Variants in SIPA1L3 observed in about 807,000 individuals in gnomAD.
SIPA1L3 encodes the protein signal-induced proliferation-associated 1-like protein 3.
SIPA1L3 carries 59 observed loss-of-function variants against 150.1 expected under a neutral mutation model. That is an observed-to-expected ratio of 0.39 (90% CI 0.32 to 0.49). The LOEUF is 0.49. SIPA1L3 is among the 20% of genes least tolerant of loss of function. The pLI, the probability that SIPA1L3 is intolerant of heterozygous loss-of-function variation, is 0.86. For synonymous variants in SIPA1L3, 1,070 were observed against 1,077.6 expected (o/e 0.99, Z 0.14); for missense variants, 2,211 against 2,489.5 (o/e 0.89, Z 2.38).
chr19:38,064,247 C>T (rs1006983052), intron 2 of SIPA1L3, among the ~76,000 whole-genome samples: 3 of 152,216 alleles, frequency 2.0e-5, no homozygotes, highest in Non-Finnish European at 1.5e-5. Context: ...CTCAGAGGGG[C>T]GCCCCACCCG....
At chr19:38,083,170 C>T in intron 3 of SIPA1L3, 71 bp downstream of exon 3, 1 of 1,392,808 alleles carries the variant, frequency 7.2e-7, no homozygotes, top group South Asian at 1.3e-5. Context: ...ACTACTCATT[C>T]ATTCACTCTG....
rs201332527 is a variant in SIPA1L3 at position 38,164,799 on chromosome 19, C to G, written c.4101C>G (p.Pro1367=). 1.8e-4 allele frequency: 295 copies of G among 1,611,464 alleles called. No homozygotes were observed. The highest frequency in any genetic ancestry group is 2.4e-4 in the Non-Finnish European group (285 of 1,178,912). Residue 1367 remains proline (P), a synonymous_variant, in exon 15 of 22, where the codon CCC becomes CCG. Coordinates refer to ENST00000222345, the MANE Select transcript of SIPA1L3 (RefSeq NM_015073.3). This position sits in a 1 kb window ranked among gnomAD's most constrained non-coding sequence, Gnocchi z 4.1. ...ADRRREVSPA[P]AVAGQSKGYR... The stretch of plus-strand genomic sequence containing the variant: ...GGCGGCGGGAGGTCTCCCCTGCCCC[C>G]GCAGTTGCCGGCCAAAGCAAGGGCT...
chr19:38,112,996 T>C (rs1180626537), intron 8 of SIPA1L3, among the ~76,000 whole-genome samples: 3 of 150,440 alleles, frequency 2.0e-5, no homozygotes, highest in Admixed American at 2.0e-4. Context: ...TCACCTGAGG[T>C]CAGGAGTTGG....
rs761946621 is a variant in SIPA1L3, at chr19:38,130,556, A to G, written c.2927A>G (p.Gln976Arg). The G allele has an allele frequency of 6.2e-7, 1 of 1,613,816 alleles. No individual in the cohort carries two copies. Among genetic ancestry groups the G allele is most frequent in the East Asian group, 2.2e-5 (1 of 44,872 alleles). ...DMTLRRNGLG[Q>R]LGFHVKYDGT... ...ACGCTTCGGCGGAACGGGCTCGGGC[A>G]GCTGGGCTTCCACGTGAAGTACGAC... Residue 976 changes from glutamine to arginine, a missense_variant, in exon 10 of 22, where the codon CAG becomes CGG. Gln to Arg is a conservative substitution (Grantham distance 43). This residue lies in a region of SIPA1L3 where 625 missense variants were observed against 804.2 expected (regional missense o/e 0.78). Transcript: ENST00000222345.
chr19:38,094,626 C>A (rs1424562420), intron 4 of SIPA1L3, among the ~76,000 whole-genome samples: 7 of 152,100 alleles, frequency 4.6e-5, no homozygotes, highest in Non-Finnish European at 7.4e-5. Context: ...TAGCTTCCTG[C>A]TTAAGGTTAA....
chr19:38,182,763 A>G, intron 16 of SIPA1L3, 23 bp downstream of exon 16: 1 of 1,562,178 alleles, frequency 6.4e-7, no homozygotes, highest in East Asian at 2.3e-5. Flanking sequence ...ACGTCCAGCG[A>G]GGCGCCCGCC....
intron 8 of SIPA1L3, among the ~76,000 whole-genome samples, chr19:38,116,450 G>A (rs1405773432): frequency 6.7e-6 from 1 of 149,166 alleles, no homozygotes; most frequent in Non-Finnish European, 1.5e-5. Context: ...TTGAACCCAG[G>A]AGGCAGAGGT....
At chr19:38,036,972 C>T (rs968390083) in intron 2 of SIPA1L3, among the ~76,000 whole-genome samples, 18 of 152,202 alleles carry the variant, frequency 1.2e-4, no homozygotes, top group African/African-American at 1.9e-4. Context: ...AACTGTCACA[C>T]GGTCCTGCCT....
chr19:38,158,551 G>A (rs568043647), intron 13 of SIPA1L3, among the ~76,000 whole-genome samples: 2 of 152,332 alleles, frequency 1.3e-5, no homozygotes, highest in South Asian at 4.1e-4. Flanking sequence ...AGGAGGGGCA[G>A]GATCTGACTC....
In SIPA1L3 at chr19:38,201,933, C is replaced by T. The variant is rs771646744; in HGVS notation, c.5056C>T (p.Pro1686Ser). ...LSPDIPPAHSPVHSHLSLERG... is the reference protein window; with the variant it reads ...LSPDIPPAHSSVHSHLSLERG... ...CCCGGACATCCCGCCTGCACACAGT[C>T]CTGTCCACAGCCACCTGAGCCTGGA... The change falls in exon 20 of 22, where the codon CCT (proline) becomes TCT (serine). Residue 1686 changes from proline to serine, a missense_variant. Transcript: ENST00000222345. 2 of 1,613,940 alleles carry T rather than the reference C, an allele frequency of 1.2e-6. No individual in the cohort carries two copies. The highest frequency in any genetic ancestry group is 2.7e-5 in the African/African-American group (2 of 74,932).
chr19:38,091,994 G>C (rs972009993), intron 4 of SIPA1L3, among the ~76,000 whole-genome samples: 9 of 151,234 alleles, frequency 6.0e-5, no homozygotes, highest in Non-Finnish European at 1.3e-4. Context: ...AACCTGAGAG[G>C]TGGAGGTTGC....
chr19:38,081,973 A>G lies in SIPA1L3; in HGVS notation c.408A>G (p.Lys136=). 1 of 1,614,146 alleles carries G rather than the reference A, an allele frequency of 6.2e-7. No homozygotes were observed. The highest frequency in any genetic ancestry group is 8.5e-7 in the Non-Finnish European group (1 of 1,180,002). ...GCACCCCGGCTTCCTCAGGGTCCAA[A>G]GCCTTCCACCGACTCTCCAGGAGAA... ...PTSTPASSGS[K]AFHRLSRRRS... The change falls in exon 3 of 22, where the codon AAA becomes AAG. Residue 136 remains lysine (K), a synonymous_variant. Transcript: ENST00000222345.
At chr19:37,920,485 A>G (rs1215618479) in intron 1 of SIPA1L3, among the ~76,000 whole-genome samples, 1 of 152,220 alleles carries the variant, frequency 6.6e-6, no homozygotes, top group Non-Finnish European at 1.5e-5. Flanking sequence ...GCATGGGTGA[A>G]TAAGAGATGA....
At chr19:37,950,661 G>A (rs968910711) in intron 1 of SIPA1L3, among the ~76,000 whole-genome samples, 7 of 151,570 alleles carry the variant, frequency 4.6e-5, no homozygotes, top group East Asian at 1.9e-4. Context: ...AAGGCTGCGC[G>A]GGGCCCTTCT....
At chr19:37,919,443 C>T (rs998859552) in intron 1 of SIPA1L3, among the ~76,000 whole-genome samples, 20 of 152,274 alleles carry the variant, frequency 1.3e-4, no homozygotes, top group South Asian at 4.1e-4. Context: ...TACCATGTCT[C>T]GTAAGAGGAA....
At chr19:37,938,930 C>T (rs2145518214) in intron 1 of SIPA1L3, among the ~76,000 whole-genome samples, 1 of 152,192 alleles carries the variant, frequency 6.6e-6, no homozygotes, top group South Asian at 2.1e-4. Flanking sequence ...GCCACTTTTG[C>T]TTCTTTTTCC....
At chr19:38,067,655 T>G (rs1969626148) in intron 2 of SIPA1L3, among the ~76,000 whole-genome samples, 1 of 151,182 alleles carries the variant, frequency 6.6e-6, no homozygotes, top group Non-Finnish European at 1.5e-5. Flanking sequence ...CCAGCTACTC[T>G]GGAGGCTGAG....
chr19:37,943,784 TC>T (rs1399525163), intron 1 of SIPA1L3, among the ~76,000 whole-genome samples: 1 of 152,210 alleles, frequency 6.6e-6, no homozygotes, highest in African/African-American at 2.4e-5. Flanking sequence ...TGGTGTCCTC[TC>T]AGAAGAGGTG....
chr19:38,198,375 C>A lies in SIPA1L3; in HGVS notation c.4841-14C>A. The A allele has an allele frequency of 6.6e-7, 1 of 1,525,802 alleles. No homozygotes were observed. The highest frequency in any genetic ancestry group is 1.3e-5 in the South Asian group (1 of 78,806). 94.5% of individuals were successfully genotyped at this position (1,525,802 alleles called of 1,614,324 possible). A position where few individuals can be genotyped will look rare whatever the true frequency, so the allele number is the denominator to read the frequency against. ...TCACACTCAACCACTGCCATCTCCA[C>A]CCTCCCCATCCAGCCACCATCTCAG... On this transcript the variant is annotated splice_polypyrimidine_tract_variant and intron_variant, in intron 18 of 21. Transcript: ENST00000222345.
Sources: gnomAD v4.1 joint callset for allele counts (sites outside exome capture counted in the v4.1 genomes callset) on GRCh38, gnomAD v4.1.1 for gene constraint, gnomAD v4.1.1 regional missense constraint, Gnocchi (gnomAD v3.1) non-coding constraint, MANE v1.5 for transcripts, NCBI Gene and HGNC (gene_info 2026-07-23, HGNC 2026-07-21) for gene names.